Variants in HS3ST5 observed in about 807,000 individuals in gnomAD.
HS3ST5 encodes the protein heparan sulfate glucosamine 3-O-sulfotransferase 5.
HS3ST5 carries 10 observed loss-of-function variants against 25.4 expected under a neutral mutation model. The observed-to-expected ratio is 0.39, with a 90% confidence interval of 0.24 to 0.67. HS3ST5 has a LOEUF of 0.67. Among genes scored for constraint, HS3ST5 ranks in the 30% least tolerant of loss-of-function variants. The pLI, the probability that HS3ST5 is intolerant of heterozygous loss-of-function variation, is 0.44. For synonymous variants in HS3ST5, 170 were observed against 162.4 expected, an observed-to-expected ratio of 1.05 and a Z score of -0.36; for missense variants, 324 against 420.7, an observed-to-expected ratio of 0.77 and a Z score of 2.01.
chr6:114,278,826 T>C (rs1412936851), intron 1 of HS3ST5, among the ~76,000 whole-genome samples: 2 of 151,486 alleles, frequency 1.3e-5, no homozygotes, highest in Non-Finnish European at 3.0e-5. Flanking sequence ...AAAGGATTCC[T>C]TTCGAAAACC....
chr6:114,293,178 CAAGTG>C (rs1774659340), intron 1 of HS3ST5, among the ~76,000 whole-genome samples: 1 of 151,978 alleles, frequency 6.6e-6, no homozygotes, highest in Non-Finnish European at 1.5e-5. Flanking sequence ...AGGAGGTAGT[CAAGTG>C]AAGAGAGGGG....
intron 3 of HS3ST5, among the ~76,000 whole-genome samples, chr6:114,148,931 C>A (rs564968967): frequency 6.6e-6 from 1 of 152,166 alleles, no homozygotes; most frequent in Non-Finnish European, 1.5e-5. Flanking sequence ...AGGATATGAA[C>A]AGACATTTCT....
intron 3 of HS3ST5, among the ~76,000 whole-genome samples, chr6:114,089,998 G>A (rs1007238047): frequency 6.6e-6 from 1 of 152,204 alleles, no homozygotes; most frequent in African/African-American, 2.4e-5. Flanking sequence ...CTCTGGCGTT[G>A]GGGAGGTAGT....
At chr6:114,092,058 A>AT (rs1216460882) in intron 3 of HS3ST5, among the ~76,000 whole-genome samples, 1 of 152,226 alleles carries the variant, frequency 6.6e-6, no homozygotes, top group African/African-American at 2.4e-5. Flanking sequence ...AATGACAGTG[A>AT]TTCAACAGGC....
intron 1 of HS3ST5, among the ~76,000 whole-genome samples, chr6:114,311,584 A>C (rs111672614): frequency 0.038 from 4,647 of 121,678 alleles, 275 homozygotes; most frequent in African/African-American, 0.13. Context: ...ACTCTGTCAC[A>C]CAGGCTGGAG....
At position 114,084,637 on chromosome 6, in the gene HS3ST5, A is replaced by G. The variant is rs535143126; in HGVS notation, c.-32-21760T>C. On this transcript the variant is annotated intron_variant, in intron 3 of 4. Transcript: ENST00000312719. The stretch of plus-strand genomic sequence containing the variant: ...GAGCAATGCTAGGTAGGTTAACATA[A>G]GATGCCTTAATGAGAGGCTGATGGT... The G allele has an allele frequency of 7.2e-5, 62 of 864,946 alleles. 3 individuals carry two copies. In the South Asian group the frequency reaches 8.1e-4, roughly 11 times the overall value. The allele number at this position is 864,946 out of a possible 1,614,324, so 53.6% of individuals were successfully genotyped here. A position where few individuals can be genotyped will look rare whatever the true frequency, so the allele number is the denominator to read the frequency against.
chr6:114,169,470 C>A (rs1336130878), intron 2 of HS3ST5, among the ~76,000 whole-genome samples: 2 of 152,074 alleles, frequency 1.3e-5, no homozygotes, highest in Non-Finnish European at 2.9e-5. Flanking sequence ...CCTCACAACC[C>A]CAATATTGCC....
At chr6:114,068,875 CTT>C (rs1773623703) in intron 3 of HS3ST5, among the ~76,000 whole-genome samples, 1 of 152,146 alleles carries the variant, frequency 6.6e-6, no homozygotes, top group Non-Finnish European at 1.5e-5. Context: ...TCTTCAGACT[CTT>C]AAAGCTTTAA....
intron 2 of HS3ST5, among the ~76,000 whole-genome samples, chr6:114,220,103 T>A (rs935788249): frequency 6.6e-6 from 1 of 152,056 alleles, no homozygotes; most frequent in Non-Finnish European, 1.5e-5. Context: ...TAATAAATGG[T>A]ATGCCTGGAA....
At position 114,157,807 on chromosome 6, in the gene HS3ST5, C is replaced by A. The variant is rs185802896; in HGVS notation, c.-33+10544G>T. Among the ~76,000 whole-genome samples the A allele has an allele frequency of 1.1e-4, 17 of 152,278 alleles. No individual in the cohort carries two copies. The East Asian group carries it at 2.1e-3, about 19-fold the overall frequency. On this transcript the variant is annotated intron_variant, in intron 3 of 4. Coordinates refer to ENST00000312719, the MANE Select transcript of HS3ST5 (RefSeq NM_153612.4). The stretch of plus-strand genomic sequence containing the variant: ...AAGTCCAAGAGTCCAGTCTATACAA[C>A]CTTAATGCTTGCTTTTTTAGCATTA...
At chr6:114,233,302 G>A (rs1029170528) in intron 1 of HS3ST5, among the ~76,000 whole-genome samples, 1 of 152,092 alleles carries the variant, frequency 6.6e-6, no homozygotes, top group African/African-American at 2.4e-5. Flanking sequence ...CATGCAAATA[G>A]TATGGGTTCA....
chr6:114,152,859 G>A (rs1438653036), intron 3 of HS3ST5, among the ~76,000 whole-genome samples: 1 of 152,208 alleles, frequency 6.6e-6, no homozygotes, highest in Non-Finnish European at 1.5e-5. Flanking sequence ...CCTGTGCTTT[G>A]AGCTGTGATT....
intron 3 of HS3ST5, among the ~76,000 whole-genome samples, chr6:114,136,192 A>G (rs1213432514): frequency 6.6e-6 from 1 of 152,174 alleles, no homozygotes; most frequent in African/African-American, 2.4e-5. Flanking sequence ...TCCCCACCTA[A>G]ATCTCATCTT....
At chr6:114,091,842 A>G (rs996129806) in intron 3 of HS3ST5, among the ~76,000 whole-genome samples, 3 of 152,116 alleles carry the variant, frequency 2.0e-5, no homozygotes, top group African/African-American at 7.2e-5. Context: ...CACACTGGGG[A>G]ACAAGCAAAG....
At chr6:114,335,693 T>C (rs1416175497) in intron 1 of HS3ST5, among the ~76,000 whole-genome samples, 1 of 151,916 alleles carries the variant, frequency 6.6e-6, no homozygotes, top group Non-Finnish European at 1.5e-5. Flanking sequence ...TCTCACTCTG[T>C]TGCCAGGCTG....
At chr6:114,341,356 A>C (rs1032587599) in intron 1 of HS3ST5, among the ~76,000 whole-genome samples, 3 of 152,066 alleles carry the variant, frequency 2.0e-5, no homozygotes, top group African/African-American at 7.2e-5. Flanking sequence ...GAAGCGGAAG[A>C]GTAGAGGAAA....
At position 114,057,634 on chromosome 6, in the gene HS3ST5, C is replaced by T. The variant is rs758986877; in HGVS notation, c.664G>A (p.Val222Met). 2 of 1,614,016 alleles carry T rather than the reference C, an allele frequency of 1.2e-6. No homozygotes were observed. Among genetic ancestry groups the T allele is most frequent in the Non-Finnish European group, 1.7e-6 (2 of 1,180,028 alleles). The change falls in exon 5 of 5, where the codon GTG becomes ATG. Residue 222 changes from valine (V) to methionine (M), a missense_variant. By Grantham distance (21) the Val-to-Met change is conservative. Around this residue, in one of 2 missense-constraint regions of HS3ST5, gnomAD observed 203 missense variants for 303.4 expected, o/e 0.67. Coordinates refer to ENST00000312719, the MANE Select transcript of HS3ST5 (RefSeq NM_153612.4). ...KLAIDPNTCEVNTKYKAVRTS... is the reference protein window; with the variant it reads ...KLAIDPNTCEMNTKYKAVRTS... ...CTTACTGCTTTGTATTTTGTGTTCA[C>T]TTCGCATGTATTAGGGTCTATGGCC...
At chr6:114,063,174 T>TTGTG (rs942352703) in intron 3 of HS3ST5, among the ~76,000 whole-genome samples, 4 of 151,392 alleles carry the variant, frequency 2.6e-5, no homozygotes, top group African/African-American at 4.9e-5. Flanking sequence ...TATAGTGTGT[T>TTGTG]TGTGTGTGTG....
intron 2 of HS3ST5, among the ~76,000 whole-genome samples, chr6:114,175,057 A>C (rs1261171802): frequency 6.6e-6 from 1 of 152,214 alleles, no homozygotes; most frequent in Non-Finnish European, 1.5e-5. Context: ...CTGGAATGCC[A>C]TGCTAAGATT....
Sources: allele counts gnomAD v4.1 joint callset (sites outside exome capture counted in the v4.1 genomes callset), GRCh38; gene constraint gnomAD v4.1.1; regional missense constraint gnomAD v4.1.1; transcripts MANE v1.5; gene names NCBI Gene and HGNC (gene_info 2026-07-23, HGNC 2026-07-21).